The following NPFFR1 variants were observed in gnomAD, a reference collection of about 807,000 sequenced individuals.
NPFFR1 encodes neuropeptide FF receptor 1.
Under a neutral mutation model 12.7 loss-of-function variants are expected in NPFFR1, and 17 were observed. The ratio of observed to expected loss-of-function variants is 1.34; its 90% CI spans 0.92 to 2.01. The LOEUF is 2.01. NPFFR1 is among the 30% of genes most tolerant of loss of function. NPFFR1 has a pLI of 0.00. For missense variants in NPFFR1, 604 were observed against 606.5 expected (o/e 1.00, Z 0.04); for synonymous variants, 296 against 264.5 (o/e 1.12, Z -1.16).
rs10664195 is a variant in NPFFR1, at chr10:70,272,211, G to GAAAGAAAGAAAGAAAGAAAGAGA, written c.8-5821_8-5820insTCTCTTTCTTTCTTTCTTTCTTT. 2.0e-4 allele frequency among the ~76,000 whole-genome samples: 11 copies of GAAAGAAAGAAAGAAAGAAAGAGA among 55,868 alleles called. No individual in the cohort carries two copies. The South Asian group carries it at 2.1e-3, about 11-fold the overall frequency. The allele number at this position is 55,868 out of a possible 152,430, so 36.7% of individuals were successfully genotyped here. On this transcript the variant is annotated intron_variant, in intron 1 of 3. Coordinates refer to ENST00000277942, the MANE Select transcript of NPFFR1 (RefSeq NM_022146.5). ...GGGAGGAAAGAAAGAAAGAAAGAAA[G>GAAAGAAAGAAAGAAAGAAAGAGA]GAAAGAAAGAAAGAAAGAAAGAAAG...
At chr10:70,272,223 A>AG (rs1840755721) in intron 1 of NPFFR1, among the ~76,000 whole-genome samples, 1 of 6,840 alleles carries the variant, frequency 1.5e-4, no homozygotes, top group Non-Finnish European at 2.7e-4. Flanking sequence ...AAAGAAAGAA[A>AG]GAAAGAAAGA....
At position 70,251,077 on chromosome 10, in the gene NPFFR1, G is replaced by C. The variant is rs74139289; in HGVS notation, c.*3880C>G. Reference sequence around the variant, plus strand: ...TAAAATGCCATGATCATAAATAATTGGGTTATTCAACAAGGAATGTATTGT... The same window carrying C: ...TAAAATGCCATGATCATAAATAATTCGGTTATTCAACAAGGAATGTATTGT... On this transcript the variant is annotated 3_prime_UTR_variant, in exon 4 of 4. Coordinates refer to ENST00000277942, the MANE Select transcript of NPFFR1 (RefSeq NM_022146.5). 131 of 152,208 alleles carry C rather than the reference G, an allele frequency of 8.6e-4. No homozygotes were observed. Among genetic ancestry groups the C allele is most frequent in the African/African-American group, 2.9e-3 (120 of 41,506 alleles). The allele number at this position is 152,208 out of a possible 1,614,324, so 9.4% of individuals were successfully genotyped here.
rs1163675781 is a variant in NPFFR1 at position 70,255,900 on chromosome 10, G to A, written c.423-73C>T. ...CCTGCGAGGGGACGGTGGGTGGGAT[G>A]CGGGCACCTGACCTTCATCATCGCA... On this transcript the variant is annotated intron_variant, in intron 3 of 3. Transcript: ENST00000277942. The surrounding 1 kb of genome is among the most constrained non-coding windows in gnomAD (Gnocchi z 4.2). 3.4e-6 allele frequency: 5 copies of A among 1,467,220 alleles called. No individual in the cohort carries two copies. Among genetic ancestry groups the A allele is most frequent in the Non-Finnish European group, 4.6e-6 (5 of 1,087,972 alleles). 90.9% of individuals were successfully genotyped at this position (1,467,220 alleles called of 1,614,324 possible). A position where few individuals can be genotyped will look rare whatever the true frequency, so the allele number is the denominator to read the frequency against.
chr10:70,255,743 C>A lies in NPFFR1; in HGVS notation c.507G>T (p.Ala169=). Residue 169 remains alanine (A), a synonymous_variant, in exon 4 of 4, where the codon GCG becomes GCT. Transcript: ENST00000277942. This position sits in a 1 kb window ranked among gnomAD's most constrained non-coding sequence, Gnocchi z 4.2. ...CGGCCGAGGGACACATGATGAGCAG[C>A]GCCAGGGCCCAGATGACGGCGATGG... ...LVTIAVIWAL[A]LLIMCPSAVT... The A allele has an allele frequency of 1.2e-6, 2 of 1,611,238 alleles. No individual in the cohort carries two copies. The highest frequency in any genetic ancestry group is 2.2e-5 in the East Asian group (1 of 44,768).
At chr10:70,274,476 G>T (rs890861060) in intron 1 of NPFFR1, among the ~76,000 whole-genome samples, 8 of 152,014 alleles carry the variant, frequency 5.3e-5, no homozygotes, top group Admixed American at 1.3e-4. Context: ...AGAGAGAGAG[G>T]TTGGGGGCTG....
chr10:70,276,584 C>T (rs1160244190), intron 1 of NPFFR1, among the ~76,000 whole-genome samples: 6 of 117,334 alleles, frequency 5.1e-5, no homozygotes, highest in South Asian at 2.8e-4. Flanking sequence ...ATGTTTGTAT[C>T]TTTTTTTTTT....
At chr10:70,279,002 T>A (rs1389978723) in intron 1 of NPFFR1, among the ~76,000 whole-genome samples, 1 of 152,192 alleles carries the variant, frequency 6.6e-6, no homozygotes, top group Non-Finnish European at 1.5e-5. Context: ...ATTATATAAA[T>A]TTTTGGGATA....
chr10:70,277,063 A>G (rs1285169041), intron 1 of NPFFR1, among the ~76,000 whole-genome samples: 1 of 152,216 alleles, frequency 6.6e-6, no homozygotes, highest in South Asian at 2.1e-4. Context: ...TACTTATTGT[A>G]AGTATATCTC....
chr10:70,277,533 G>C (rs1406120552), intron 1 of NPFFR1, among the ~76,000 whole-genome samples: 1 of 152,210 alleles, frequency 6.6e-6, no homozygotes, highest in Non-Finnish European at 1.5e-5. Flanking sequence ...GATCTACTGT[G>C]TCCTGTGCTG....
intron 2 of NPFFR1, among the ~76,000 whole-genome samples, chr10:70,262,972 A>G (rs1035904056): frequency 1.3e-5 from 2 of 152,156 alleles, no homozygotes; most frequent in African/African-American, 4.8e-5. Context: ...AGCCTGGGTA[A>G]TATAGTGAGA....
intron 2 of NPFFR1, among the ~76,000 whole-genome samples, chr10:70,264,473 T>A (rs997195687): frequency 2.0e-5 from 3 of 150,348 alleles, no homozygotes; most frequent in Non-Finnish European, 4.4e-5. Flanking sequence ...CAAATCAAAA[T>A]AAATTGTAGT....
chr10:70,283,210 T>C (rs1840879965), intron 1 of NPFFR1, among the ~76,000 whole-genome samples: 1 of 150,478 alleles, frequency 6.6e-6, no homozygotes, highest in Non-Finnish European at 1.5e-5. Context: ...CAGGTCTTTC[T>C]CTCTCTCTCT....
chr10:70,283,537 C>T (rs1331983686), intron 1 of NPFFR1, 133 bp downstream of exon 1: 24 of 912,442 alleles, frequency 2.6e-5, no homozygotes, highest in Non-Finnish European at 6.9e-6. Flanking sequence ...CTCTGTCACA[C>T]ACAGAGTGTC....
chr10:70,272,960 T>C (rs1299541628), intron 1 of NPFFR1, among the ~76,000 whole-genome samples: 1 of 152,238 alleles, frequency 6.6e-6, no homozygotes, highest in African/African-American at 2.4e-5. Context: ...GAACTGTAGG[T>C]GAACAGAAAA....
chr10:70,281,257 G>A (rs369951096), intron 1 of NPFFR1, among the ~76,000 whole-genome samples: 2 of 152,104 alleles, frequency 1.3e-5, no homozygotes, highest in African/African-American at 4.8e-5. Flanking sequence ...TGCAGGAGTG[G>A]GGCAATACCA....
chr10:70,250,648 T>G lies in NPFFR1; in HGVS notation c.*4309A>C, dbSNP rs932147409. ...TTAAGTGAAAGAAACCAGACTCGGC[T>G]GCAAACTGTCTGATTCCATCTACAT... On this transcript the variant is annotated 3_prime_UTR_variant, in exon 4 of 4. Transcript: ENST00000277942. 1.3e-5 allele frequency: 2 copies of G among 152,238 alleles called. No homozygotes were observed. The highest frequency in any genetic ancestry group is 4.8e-5 in the African/African-American group (2 of 41,468). The allele number at this position is 152,238 out of a possible 1,614,324, so 9.4% of individuals were successfully genotyped here. A position where few individuals can be genotyped will look rare whatever the true frequency, so the allele number is the denominator to read the frequency against.
At chr10:70,265,006 G>T (rs1319387563) in intron 2 of NPFFR1, among the ~76,000 whole-genome samples, 2 of 152,242 alleles carry the variant, frequency 1.3e-5, no homozygotes, top group Non-Finnish European at 2.9e-5. Context: ...ACACGTGTGT[G>T]TGTCTATGTG....
chr10:70,277,951 T>A, intron 1 of NPFFR1: 1 of 519,820 alleles, frequency 1.9e-6, no homozygotes, highest in Non-Finnish European at 3.8e-6. Flanking sequence ...TTCTGGGCCC[T>A]CAGAGAACCC....
chr10:70,257,141 C>T (rs1186282315), intron 3 of NPFFR1, among the ~76,000 whole-genome samples: 2 of 152,142 alleles, frequency 1.3e-5, no homozygotes, highest in African/African-American at 4.8e-5. Flanking sequence ...CTTGCCTATT[C>T]TTCCAGCTAC....
Sources: allele counts gnomAD v4.1 joint callset (sites outside exome capture counted in the v4.1 genomes callset), GRCh38; gene constraint gnomAD v4.1.1; non-coding constraint Gnocchi (gnomAD v3.1); transcripts MANE v1.5; gene names NCBI Gene and HGNC (gene_info 2026-07-23, HGNC 2026-07-21).